The following DENND4C variants were observed in gnomAD, a reference collection of about 807,000 sequenced individuals.
DENND4C encodes the protein DENN domain-containing protein 4C.
A neutral mutation model predicts 203.0 loss-of-function variants in DENND4C; 108 were observed. That is an observed-to-expected ratio of 0.53 (90% CI 0.46 to 0.62). DENND4C has a LOEUF of 0.62. Among genes scored for constraint, DENND4C ranks in the 20% least tolerant of loss-of-function variants. The probability of loss-of-function intolerance (pLI) is 0.00; values close to 1 mark genes in which losing one functional copy is unlikely to be tolerated. For synonymous variants in DENND4C, 871 were observed against 792.4 expected (o/e 1.10, Z -1.67); for missense variants, 2,481 against 2,301.2 (o/e 1.08, Z -1.60).
At chr9:19,302,759 C>T (rs1323903699) in intron 9 of DENND4C, among the ~76,000 whole-genome samples, 1 of 152,226 alleles carries the variant, frequency 6.6e-6, no homozygotes, top group African/African-American at 2.4e-5. Context: ...CTCCAGCATT[C>T]TGGCCTTACC....
intron 8 of DENND4C, among the ~76,000 whole-genome samples, chr9:19,299,839 A>G (rs538109495): frequency 7.6e-4 from 116 of 152,252 alleles, no homozygotes; most frequent in African/African-American, 2.7e-3. Context: ...TTTAGTCACA[A>G]TAGATTTATT....
chr9:19,343,724 G>A (rs1286513489), intron 22 of DENND4C, among the ~76,000 whole-genome samples: 1 of 152,244 alleles, frequency 6.6e-6, no homozygotes, highest in Non-Finnish European at 1.5e-5. Context: ...AAGGAGGGAA[G>A]AGTTTTCTTC....
intron 1 of DENND4C, among the ~76,000 whole-genome samples, chr9:19,234,441 A>G (rs1172152689): frequency 1.3e-5 from 2 of 151,296 alleles, no homozygotes; most frequent in Non-Finnish European, 2.9e-5. Flanking sequence ...CGTGTTAGCC[A>G]GGATGGTCTT....
At position 19,336,706 on chromosome 9, in the gene DENND4C, G is replaced by A. The variant is rs1228605621; in HGVS notation, c.2755G>A (p.Gly919Arg). ...TTTAGCTCTTCAAAATGTCACAGGT[G>A]GAAGTGATGGGGACACGGTGAGCCA... ...SISALQNVTG[G>R]SDGDTVSHGS... Residue 919 changes from glycine to arginine, a missense_variant, in exon 20 of 33, where the codon GGA becomes AGA. Around this residue, in one of 3 missense-constraint regions of DENND4C, gnomAD observed 2,289 missense variants for 2,113.3 expected, o/e 1.08. Coordinates refer to ENST00000434457, the MANE Select transcript of DENND4C (RefSeq NM_001330640.2). The A allele has an allele frequency of 1.3e-6, 2 of 1,551,024 alleles. No homozygotes were observed. Among genetic ancestry groups the A allele is most frequent in the East Asian group, 2.4e-5 (1 of 40,906 alleles).
At chr9:19,368,435 C>T (rs1828138117) in intron 30 of DENND4C, among the ~76,000 whole-genome samples, 3 of 152,178 alleles carry the variant, frequency 2.0e-5, no homozygotes, top group Middle Eastern at 6.8e-3. Flanking sequence ...GGCCGAATTA[C>T]GTTCCTTCTA....
chr9:19,279,626 A>C (rs936760883), intron 2 of DENND4C, among the ~76,000 whole-genome samples: 1 of 152,008 alleles, frequency 6.6e-6, no homozygotes, highest in Non-Finnish European at 1.5e-5. Flanking sequence ...GCAGTGAGCC[A>C]AGATTGTGCC....
chr9:19,268,171 C>G (rs1830896505), intron 1 of DENND4C, among the ~76,000 whole-genome samples: 1 of 151,804 alleles, frequency 6.6e-6, no homozygotes, highest in Non-Finnish European at 1.5e-5. Flanking sequence ...ATAATCTCAG[C>G]TCACTGTAGC....
intron 16 of DENND4C, among the ~76,000 whole-genome samples, chr9:19,330,350 T>C (rs1216977054): frequency 6.8e-6 from 1 of 147,974 alleles, no homozygotes; most frequent in Non-Finnish European, 1.5e-5. Context: ...TTTTTTTTTT[T>C]TTTTTTTAAG....
chr9:19,350,730 C>CA lies in DENND4C; in HGVS notation c.4347dup (p.Ala1450SerfsTer15). On this transcript the variant is annotated frameshift_variant, in exon 24 of 33. Coordinates refer to ENST00000434457, the MANE Select transcript of DENND4C (RefSeq NM_001330640.2). LOFTEE classifies it high-confidence loss of function. ...GAAACTAATAGAGACTACAGCTTCC[C>CA]AGCTGGCCTAGAAGACCATATTTTG... The CA allele has an allele frequency of 6.2e-7, 1 of 1,613,008 alleles. No homozygotes were observed. Among genetic ancestry groups the CA allele is most frequent in the Non-Finnish European group, 8.5e-7 (1 of 1,179,698 alleles).
chr9:19,287,346 C>G (rs1193799299), intron 3 of DENND4C, among the ~76,000 whole-genome samples: 1 of 152,160 alleles, frequency 6.6e-6, no homozygotes, highest in Non-Finnish European at 1.5e-5. Context: ...GCTCTCCTTA[C>G]ATTCATTTAT....
chr9:19,260,695 C>T (rs1829140959), intron 1 of DENND4C, among the ~76,000 whole-genome samples: 1 of 152,128 alleles, frequency 6.6e-6, no homozygotes, highest in Admixed American at 6.6e-5. Flanking sequence ...CCATGCTCGG[C>T]CTATGTTCTG....
At chr9:19,365,516 C>G (rs1202901517) in intron 30 of DENND4C, among the ~76,000 whole-genome samples, 2 of 152,064 alleles carry the variant, frequency 1.3e-5, no homozygotes, top group Non-Finnish European at 2.9e-5. Flanking sequence ...ATTTACCATT[C>G]TACCAGAGGT....
chr9:19,364,952 AAGAATAG>A (rs1477036489), intron 30 of DENND4C, among the ~76,000 whole-genome samples: 1 of 152,184 alleles, frequency 6.6e-6, no homozygotes, highest in Non-Finnish European at 1.5e-5. Context: ...GGCAGGTCAT[AAGAATAG>A]AGAGCTCTGA....
At chr9:19,293,373 A>G (rs1285134585) in intron 5 of DENND4C, among the ~76,000 whole-genome samples, 2 of 152,222 alleles carry the variant, frequency 1.3e-5, no homozygotes, top group African/African-American at 2.4e-5. Flanking sequence ...GTATAAAGGC[A>G]AGGGTTATAA....
intron 23 of DENND4C, among the ~76,000 whole-genome samples, chr9:19,350,008 A>T (rs577346146): frequency 5.5e-4 from 83 of 152,286 alleles, no homozygotes; most frequent in African/African-American, 1.9e-3. Context: ...TTAATTTTTT[A>T]AAATCATGTA....
At chr9:19,255,924 A>C (rs1446128293) in intron 1 of DENND4C, among the ~76,000 whole-genome samples, 1 of 151,644 alleles carries the variant, frequency 6.6e-6, no homozygotes. Flanking sequence ...TAAAGTGCAC[A>C]TGGAATATTC....
intron 1 of DENND4C, among the ~76,000 whole-genome samples, chr9:19,232,228 C>G (rs1820758494): frequency 6.6e-6 from 1 of 151,992 alleles, no homozygotes; most frequent in Admixed American, 6.6e-5. Context: ...TATTCATGAA[C>G]ATGATCTGCC....
intron 1 of DENND4C, among the ~76,000 whole-genome samples, chr9:19,245,045 C>G (rs1475055780): frequency 6.6e-6 from 1 of 152,204 alleles, no homozygotes; most frequent in African/African-American, 2.4e-5. Context: ...TAGCTGTCTG[C>G]ATGCATAATC....
At chr9:19,293,641 A>G (rs751392426) in intron 5 of DENND4C, among the ~76,000 whole-genome samples, 1 of 152,224 alleles carries the variant, frequency 6.6e-6, no homozygotes, top group Non-Finnish European at 1.5e-5. Flanking sequence ...AGGAATGGGC[A>G]GATCAGAGGA....
Sources: gnomAD v4.1 joint callset for allele counts (sites outside exome capture counted in the v4.1 genomes callset) on GRCh38, gnomAD v4.1.1 for gene constraint, gnomAD v4.1.1 regional missense constraint, MANE v1.5 for transcripts, NCBI Gene and HGNC (gene_info 2026-07-23, HGNC 2026-07-21) for gene names.